DCAF4: variants seen among roughly 807,000 people sequenced by gnomAD.
DCAF4 encodes the protein DDB1 and CUL4 associated factor 4, also known as DDB1- and CUL4-associated factor 4.
Under a neutral mutation model 60.9 loss-of-function variants are expected in DCAF4, and 37 were observed. The observed-to-expected ratio is 0.61, with a 90% CI of 0.47 to 0.80. The LOEUF is 0.80. Ranked by LOEUF, DCAF4 falls within the 30% of genes least tolerant of loss-of-function variation. DCAF4 has a pLI of 0.00. For missense variants in DCAF4, 577 were observed against 650.0 expected (o/e 0.89, Z 1.22); for synonymous variants, 243 against 254.8 (o/e 0.95, Z 0.44).
At chr14:72,956,340 G>T (rs1448745579) in intron 12 of DCAF4, 46 bp from the exon 13 acceptor site, 3 of 1,488,062 alleles carry the variant, frequency 2.0e-6, no homozygotes, top group Non-Finnish European at 2.7e-6. Context: ...GACCACCATG[G>T]TACCCCCTGG....
rs772228393 is a variant in DCAF4 at position 72,941,729 on chromosome 14, T to C, written c.352-16T>C. The C allele has an allele frequency of 3.1e-6, 5 of 1,610,518 alleles. No individual in the cohort carries two copies. The highest frequency in any genetic ancestry group is 2.5e-6 in the Non-Finnish European group (3 of 1,177,580). On this transcript the variant is annotated splice_polypyrimidine_tract_variant and intron_variant, in intron 4 of 13. Coordinates refer to ENST00000358377, the MANE Select transcript of DCAF4 (RefSeq NM_015604.4). Reference sequence around the variant, plus strand: ...AAATCTTCATTGAATTGTTCTCTTTTTTGTAATAAATATAGATTGCCAGGA... The same window carrying C: ...AAATCTTCATTGAATTGTTCTCTTTCTTGTAATAAATATAGATTGCCAGGA...
At chr14:72,959,991 A>C (rs143399351), downstream of DCAF4, among the ~76,000 whole-genome samples, 61 of 152,284 alleles carry the variant, frequency 4.0e-4, no homozygotes, top group African/African-American at 1.4e-3. Context: ...GCGCTCAGAG[A>C]GAGCCGGGTT....
In DCAF4 at chr14:72,951,865, A is replaced by C. The variant is rs758181303; in HGVS notation, c.796A>C (p.Asn266His). 8.8e-5 allele frequency: 142 copies of C among 1,613,998 alleles called. No homozygotes were observed. Among genetic ancestry groups the C allele is most frequent in the Non-Finnish European group, 1.2e-4 (136 of 1,180,024 alleles). ...ATLLPASLFV[N>H]SHPGIDRPGM... ...CCTGCTCCCAGCATCACTGTTCGTC[A>C]ATAGTCACCCAGGTACAGGGTTCTC... The change falls in exon 9 of 14, where the codon AAT becomes CAT. Residue 266 changes from asparagine to histidine, a missense_variant. Physicochemically the swap from Asn to His is moderately conservative, Grantham distance 68 (BLOSUM62 1). Transcript: ENST00000358377.
downstream of DCAF4, among the ~76,000 whole-genome samples, chr14:72,961,362 G>A (rs1165345072): frequency 1.3e-5 from 2 of 152,172 alleles, no homozygotes; most frequent in Non-Finnish European, 2.9e-5. Context: ...AACAACAATG[G>A]GAAAGAGTTG....
Position 72,946,032 on chromosome 14 carries a change from G to A in DCAF4, c.678+5G>A, listed in dbSNP as rs142283119. 3 of 1,613,498 alleles carry A rather than the reference G, an allele frequency of 1.9e-6. No individual in the cohort carries two copies. The highest frequency in any genetic ancestry group is 1.3e-5 in the African/African-American group (1 of 74,988). On this transcript the variant is annotated splice_donor_5th_base_variant and intron_variant, in intron 7 of 13. Coordinates refer to ENST00000358377, the MANE Select transcript of DCAF4 (RefSeq NM_015604.4). ...CTCTACTTCACCAACCGGAAGGTAC[G>A]TTGCCCATCCCTGTAGCCTCTCTGC...
At chr14:72,930,045 G>A (rs941116304) in intron 1 of DCAF4, 1 of 561,212 alleles carries the variant, frequency 1.8e-6, no homozygotes, top group Admixed American at 3.0e-5. Context: ...GCAGGAGGAC[G>A]GCTTGAGCCG....
chr14:72,950,866 A>T (rs540889955), intron 8 of DCAF4, among the ~76,000 whole-genome samples: 8 of 152,276 alleles, frequency 5.3e-5, no homozygotes, highest in Admixed American at 4.6e-4. Context: ...TATGTAGTGG[A>T]AATACAGCAT....
chr14:72,956,654 AG>A (rs1352306170), intron 13 of DCAF4, 154 bp downstream of exon 13: 2 of 666,048 alleles, frequency 3.0e-6, no homozygotes, highest in Non-Finnish European at 2.6e-6. Flanking sequence ...GGAGGGAAGT[AG>A]AATTAGATTA....
intron 9 of DCAF4, 145 bp from the exon 10 acceptor site, chr14:72,954,015 GTCTC>G: frequency 5.2e-6 from 4 of 767,978 alleles, no homozygotes; most frequent in Non-Finnish European, 8.7e-6. Flanking sequence ...TCCCAGCTGA[GTCTC>G]TCTTGCAACC....
intron 1 of DCAF4, among the ~76,000 whole-genome samples, chr14:72,937,731 T>A (rs1288320795): frequency 6.6e-6 from 1 of 152,062 alleles, no homozygotes; most frequent in Non-Finnish European, 1.5e-5. Context: ...CCTGGCAACG[T>A]TTCTGTGGGG....
Position 72,951,810 on chromosome 14 carries a change from G to A in DCAF4, c.741G>A (p.Met247Ile), listed in dbSNP as rs762219421. ...CAGCTTTTTCCAGGCTATGCCTCAT[G>A]GGACTCGCAGAGACTCCAGGCTGTG... ...HLDSHILLCL[M>I]GLAETPGCAT... is the part of the protein sequence containing the mutation. Residue 247 changes from methionine (M) to isoleucine (I), a missense_variant, in exon 9 of 14, where the codon ATG (methionine) becomes ATA (isoleucine). Coordinates refer to ENST00000358377, the MANE Select transcript of DCAF4 (RefSeq NM_015604.4). 1.2e-6 allele frequency: 2 copies of A among 1,614,114 alleles called. No individual in the cohort carries two copies. The highest frequency in any genetic ancestry group is 2.2e-5 in the South Asian group (2 of 91,068).
intron 1 of DCAF4, chr14:72,929,483 G>T: frequency 1.6e-6 from 1 of 632,806 alleles, no homozygotes; most frequent in Non-Finnish European, 2.8e-6. Flanking sequence ...GATCGCTGGA[G>T]GCCAGAAATT....
intron 2 of DCAF4, among the ~76,000 whole-genome samples, 184 bp from the exon 3 acceptor site, chr14:72,939,617 GA>G (rs1889752225): frequency 6.6e-6 from 1 of 152,186 alleles, no homozygotes; most frequent in Non-Finnish European, 1.5e-5. Flanking sequence ...AAAAAAGAAT[GA>G]AAAACCAAAA....
Position 72,953,731 on chromosome 14 carries a change from A to AT in DCAF4, c.809-433_809-432insT, listed in dbSNP as rs1567324899. 1.7e-3 allele frequency among the ~76,000 whole-genome samples: 61 copies of AT among 36,514 alleles called. 6 individuals are homozygous for AT. Among genetic ancestry groups the AT allele is most frequent in the African/African-American group, 7.0e-3 (47 of 6,740 alleles). 24.0% of individuals were successfully genotyped at this position (36,514 alleles called of 152,430 possible). On this transcript the variant is annotated intron_variant, in intron 9 of 13. Transcript: ENST00000358377. Reference sequence around the variant, plus strand: ...TCTTAAAAAAAAAAAAAAAAAAAAAAAATATATATATATATATATATATAT... The same window carrying AT: ...TCTTAAAAAAAAAAAAAAAAAAAAAATAATATATATATATATATATATATAT...
rs148869751 is a variant in DCAF4, at chr14:72,950,972, T to G, written c.729-826T>G. Among the ~76,000 whole-genome samples the G allele has an allele frequency of 5.4e-3, 818 of 152,094 alleles. 9 individuals are homozygous for G. Among genetic ancestry groups the G allele is most frequent in the African/African-American group, 0.018 (760 of 41,508 alleles). On this transcript the variant is annotated intron_variant, in intron 8 of 13. Coordinates refer to ENST00000358377, the MANE Select transcript of DCAF4 (RefSeq NM_015604.4). ...TAGGGAGGGATCAGAGAGGGCTTTTTGGGCTTTTTAATAGTATTTTATTTT... is the reference window on the plus strand; with the variant it reads ...TAGGGAGGGATCAGAGAGGGCTTTTGGGGCTTTTTAATAGTATTTTATTTT...
chr14:72,930,041 G>C, intron 1 of DCAF4: 1 of 562,880 alleles, frequency 1.8e-6, no homozygotes, highest in South Asian at 2.3e-5. Context: ...TGAGGCAGGA[G>C]GACGGCTTGA....
chr14:72,936,266 A>G (rs1371480897), intron 1 of DCAF4, among the ~76,000 whole-genome samples: 1 of 152,180 alleles, frequency 6.6e-6, no homozygotes, highest in Non-Finnish European at 1.5e-5. Flanking sequence ...GACAATGAAT[A>G]AGATAAAAGT....
In DCAF4 at chr14:72,938,883, A is replaced by G. The variant is rs765619908; in HGVS notation, c.92+813A>G. On this transcript the variant is annotated intron_variant, in intron 2 of 13. Transcript: ENST00000358377. The stretch of plus-strand genomic sequence containing the variant: ...GCTAGTGTAGACTTTAAAACCCTGT[A>G]CACCAGGCTACATTACATTTATTTA... Among the ~76,000 whole-genome samples, 161 of 151,990 alleles carry G rather than the reference A, an allele frequency of 1.1e-3. 1 individual carries two copies. Among genetic ancestry groups the G allele is most frequent in the Non-Finnish European group, 1.2e-3 (82 of 68,002 alleles).
intron 6 of DCAF4, among the ~76,000 whole-genome samples, chr14:72,944,330 C>A (rs1226799567): frequency 1.3e-5 from 2 of 152,206 alleles, no homozygotes; most frequent in African/African-American, 4.8e-5. Flanking sequence ...GGGAACATAA[C>A]TTCTTCCTGA....
Sources: allele counts gnomAD v4.1 joint callset (sites outside exome capture counted in the v4.1 genomes callset), GRCh38; gene constraint gnomAD v4.1.1; transcripts MANE v1.5; gene names NCBI Gene and HGNC (gene_info 2026-07-23, HGNC 2026-07-21).